PPP2R5B: variants seen among roughly 807,000 people sequenced by gnomAD.
The protein encoded by PPP2R5B is serine/threonine-protein phosphatase 2A 56 kDa regulatory subunit beta isoform.
In PPP2R5B, 19 loss-of-function variants were observed where a neutral mutation model predicts 59.9. The observed-to-expected ratio is 0.32, with a 90% CI of 0.22 to 0.47. The LOEUF (loss-of-function observed/expected upper bound fraction) is 0.47. Ranked by LOEUF, PPP2R5B falls within the 20% of genes least tolerant of loss-of-function variation. The pLI is 1.00. For missense variants in PPP2R5B, 441 were observed against 640.2 expected, an observed-to-expected ratio of 0.69 and a Z score of 3.36; for synonymous variants, 286 against 260.5, an observed-to-expected ratio of 1.10 and a Z score of -0.94.
rs1945151434 is a variant in PPP2R5B, at chr11:64,925,609, G to A, written c.-126G>A. On this transcript the variant is annotated 5_prime_UTR_variant, in exon 2 of 14. Transcript: ENST00000164133. This position sits in a 1 kb window ranked among gnomAD's most constrained non-coding sequence, Gnocchi z 4.6. Reference sequence around the variant, plus strand: ...CCCTGGGGGGGGGCCCAGGACTGTGGTTGTGCCCCCCCCCCAAAGGCCGGA... The same window carrying A: ...CCCTGGGGGGGGGCCCAGGACTGTGATTGTGCCCCCCCCCCAAAGGCCGGA... 1 of 566,982 alleles carries A rather than the reference G, an allele frequency of 1.8e-6. No homozygotes were observed. The highest frequency in any genetic ancestry group is 3.1e-6 in the Non-Finnish European group (1 of 319,550). The allele number at this position is 566,982 out of a possible 1,614,324, so 35.1% of individuals were successfully genotyped here. A position where few individuals can be genotyped will look rare whatever the true frequency, so the allele number is the denominator to read the frequency against.
In PPP2R5B at chr11:64,925,835, G is replaced by A. The variant is rs760251777; in HGVS notation, c.101G>A (p.Arg34His). 1.1e-5 allele frequency: 18 copies of A among 1,601,704 alleles called. No homozygotes were observed. Among genetic ancestry groups the A allele is most frequent in the African/African-American group, 2.7e-5 (2 of 73,650 alleles). The part of the protein sequence containing the change: ...PPDKVDGFSR[R>H]SLRRARPRRS... ...GACAAGGTGGACGGCTTCTCCCGCC[G>A]TTCCCTCCGCAGAGCCCGGCCCCGC... Residue 34 changes from arginine (R) to histidine (H), a missense_variant, in exon 2 of 14, where the codon CGT (arginine) becomes CAT (histidine). Physicochemically the swap from Arg to His is conservative, Grantham distance 29. Transcript: ENST00000164133. The surrounding 1 kb of genome is among the most constrained non-coding windows in gnomAD (Gnocchi z 4.6).
At chr11:64,926,689 C>G in intron 2 of PPP2R5B, 23 bp from the exon 3 acceptor site, 2 of 1,611,052 alleles carry the variant, frequency 1.2e-6, no homozygotes, top group Non-Finnish European at 1.7e-6. Flanking sequence ...GGGCCCAGGC[C>G]CAGGATGCCC....
Position 64,931,684 on chromosome 11 carries a change from G to C in PPP2R5B, c.997-65G>C. ...GCCTCTAGAAGGCAGTCAGGTGTGT[G>C]TATGTGTAGGGGGAGATGTGAGCTG... On this transcript the variant is annotated intron_variant, in intron 10 of 13. Coordinates refer to ENST00000164133, the MANE Select transcript of PPP2R5B (RefSeq NM_006244.4). This position sits in a 1 kb window ranked among gnomAD's most constrained non-coding sequence, Gnocchi z 5.0. 5 of 1,614,000 alleles carry C rather than the reference G, an allele frequency of 3.1e-6. No homozygotes were observed. Among genetic ancestry groups the C allele is most frequent in the Non-Finnish European group, 2.5e-6 (3 of 1,179,988 alleles).
chr11:64,930,541 C>A lies in PPP2R5B; in HGVS notation c.843C>A (p.Val281=). The change falls in exon 8 of 14, where the codon GTC becomes GTA. Residue 281 remains valine (V), a synonymous_variant. Coordinates refer to ENST00000164133, the MANE Select transcript of PPP2R5B (RefSeq NM_006244.4). The part of the protein sequence containing the change: ...KTEHKQFLVR[V]LIPLHSVKSL... ...AGCACAAGCAGTTCCTGGTTCGCGT[C>A]CTGATCCCCCTGCACTCTGTCAAGT... 6.2e-7 allele frequency: 1 copy of A among 1,614,210 alleles called. No individual in the cohort carries two copies.
At chr11:64,929,173 T>G (rs1008404551) in intron 6 of PPP2R5B, among the ~76,000 whole-genome samples, 1 of 152,042 alleles carries the variant, frequency 6.6e-6, no homozygotes, top group Admixed American at 6.5e-5. Flanking sequence ...GATGAAATGG[T>G]TTGCAGGGAC....
chr11:64,931,392 C>T lies in PPP2R5B; in HGVS notation c.892-44C>T. On this transcript the variant is annotated intron_variant, in intron 8 of 13. Transcript: ENST00000164133. The surrounding 1 kb of genome is among the most constrained non-coding windows in gnomAD (Gnocchi z 5.0). The stretch of plus-strand genomic sequence containing the variant: ...ACAGCAAGTCCTTGGCGCCTGGTGC[C>T]TTCCTGACCTGTCTTCCTTCCCTCC... The T allele has an allele frequency of 4.4e-6, 7 of 1,605,464 alleles. No individual in the cohort carries two copies. The highest frequency in any genetic ancestry group is 6.0e-6 in the Non-Finnish European group (7 of 1,172,880).
chr11:64,918,931 T>A (rs1383710849), intron 1 of PPP2R5B, among the ~76,000 whole-genome samples: 1 of 152,158 alleles, frequency 6.6e-6, no homozygotes, highest in African/African-American at 2.4e-5. Flanking sequence ...CTTCTCCTCT[T>A]GTGACCCTCA....
Position 64,928,165 on chromosome 11 carries a change from TG to T in PPP2R5B, c.591+11del. ...TCAAAAGTTTGTCCTGATGGTGAAG[TG>T]GGGAGCCCAGGCTGGGTGGTACCAC... On this transcript the variant is annotated splice_region_variant and intron_variant, in intron 5 of 13. Coordinates refer to ENST00000164133, the MANE Select transcript of PPP2R5B (RefSeq NM_006244.4). 1 of 1,614,014 alleles carries T rather than the reference TG, an allele frequency of 6.2e-7. No homozygotes were observed. The highest frequency in any genetic ancestry group is 1.7e-5 in the Admixed American group (1 of 60,018).
chr11:64,925,614 G>GGCCCCC lies in PPP2R5B; in HGVS notation c.-121_-120insGCCCCC. ...GGGGGGGGCCCAGGACTGTGGTTGT[G>GGCCCCC]CCCCCCCCCCAAAGGCCGGACAGGA... On this transcript the variant is annotated 5_prime_UTR_variant, in exon 2 of 14. Coordinates refer to ENST00000164133, the MANE Select transcript of PPP2R5B (RefSeq NM_006244.4). This position sits in a 1 kb window ranked among gnomAD's most constrained non-coding sequence, Gnocchi z 4.6. The GGCCCCC allele has an allele frequency of 8.9e-6, 4 of 450,334 alleles. No individual in the cohort carries two copies. The highest frequency in any genetic ancestry group is 2.2e-5 in the African/African-American group (1 of 44,450). 27.9% of individuals were successfully genotyped at this position (450,334 alleles called of 1,614,324 possible). A position where few individuals can be genotyped will look rare whatever the true frequency, so the allele number is the denominator to read the frequency against.
At chr11:64,922,302 G>T (rs531411526), upstream of PPP2R5B, among the ~76,000 whole-genome samples, 19 of 143,032 alleles carry the variant, frequency 1.3e-4, no homozygotes, top group African/African-American at 4.9e-4. Flanking sequence ...TGCGCAACAT[G>T]GCGAAACCCT....
At chr11:64,919,703 G>C (rs958426953), upstream of PPP2R5B, among the ~76,000 whole-genome samples, 1 of 152,108 alleles carries the variant, frequency 6.6e-6, no homozygotes, top group Admixed American at 6.6e-5. Flanking sequence ...CTCGGTGACA[G>C]ACGGAGATCT....
intron 1 of PPP2R5B, among the ~76,000 whole-genome samples, chr11:64,918,550 C>T (rs1463188308): frequency 1.3e-5 from 2 of 152,130 alleles, no homozygotes; most frequent in East Asian, 1.9e-4. Flanking sequence ...AGGCTGGTCT[C>T]GAACTCCTGA....
intron 1 of PPP2R5B, chr11:64,918,125 T>C (rs1386187111): frequency 6.6e-6 from 1 of 152,238 alleles, no homozygotes; most frequent in Non-Finnish European, 1.5e-5. Context: ...TTCCAGTGTT[T>C]ATACATAACG....
intron 11 of PPP2R5B, 70 bp from the exon 12 acceptor site, chr11:64,932,695 T>G (rs958683513): frequency 5.7e-6 from 9 of 1,569,802 alleles, no homozygotes; most frequent in Non-Finnish European, 7.8e-6. Context: ...GAGGTAGTGA[T>G]GGACACCAGA....
Position 64,931,685 on chromosome 11 carries a change from T to C in PPP2R5B, c.997-64T>C. ...CCTCTAGAAGGCAGTCAGGTGTGTG[T>C]ATGTGTAGGGGGAGATGTGAGCTGC... On this transcript the variant is annotated intron_variant, in intron 10 of 13. Coordinates refer to ENST00000164133, the MANE Select transcript of PPP2R5B (RefSeq NM_006244.4). The surrounding 1 kb of genome is among the most constrained non-coding windows in gnomAD (Gnocchi z 5.0). The C allele has an allele frequency of 6.2e-7, 1 of 1,613,882 alleles. No individual in the cohort carries two copies. Among genetic ancestry groups the C allele is most frequent in the Non-Finnish European group, 8.5e-7 (1 of 1,179,954 alleles).
At position 64,925,619 on chromosome 11, in the gene PPP2R5B, C is replaced by CG; in HGVS notation, c.-116_-115insG. 1.8e-6 allele frequency: 1 copy of CG among 553,296 alleles called. No individual in the cohort carries two copies. Among genetic ancestry groups the CG allele is most frequent in the South Asian group, 2.0e-5 (1 of 48,958 alleles). The allele number at this position is 553,296 out of a possible 1,614,324, so 34.3% of individuals were successfully genotyped here. ...GGGCCCAGGACTGTGGTTGTGCCCC[C>CG]CCCCCAAAGGCCGGACAGGATGGGA... On this transcript the variant is annotated 5_prime_UTR_variant, in exon 2 of 14. Transcript: ENST00000164133. The surrounding 1 kb of genome is among the most constrained non-coding windows in gnomAD (Gnocchi z 4.6).
chr11:64,929,832 G>A (rs1357600793), intron 6 of PPP2R5B, among the ~76,000 whole-genome samples: 2 of 152,198 alleles, frequency 1.3e-5, no homozygotes, highest in Non-Finnish European at 2.9e-5. Context: ...CTGGACTGAG[G>A]CCGGGACTCT....
At chr11:64,932,618 T>G in intron 11 of PPP2R5B, 147 bp from the exon 12 acceptor site, 1 of 963,490 alleles carries the variant, frequency 1.0e-6, no homozygotes, top group Non-Finnish European at 1.5e-6. Context: ...TTCAACACTG[T>G]TGCTTCCTCC....
At chr11:64,926,285 A>G (rs910695238) in intron 2 of PPP2R5B, among the ~76,000 whole-genome samples, 8 of 152,228 alleles carry the variant, frequency 5.3e-5, no homozygotes, top group Non-Finnish European at 1.2e-4. Flanking sequence ...ATCACCACAT[A>G]GGTCCCTTCC....
Sources: gnomAD v4.1 joint callset for allele counts (sites outside exome capture counted in the v4.1 genomes callset) on GRCh38, gnomAD v4.1.1 for gene constraint, Gnocchi (gnomAD v3.1) non-coding constraint, MANE v1.5 for transcripts, NCBI Gene and HGNC (gene_info 2026-07-23, HGNC 2026-07-21) for gene names.